PPL: variants seen among roughly 807,000 people sequenced by gnomAD.
PPL encodes the protein 190 kDa paraneoplastic pemphigus antigen.
In PPL, 198 loss-of-function variants were observed where a neutral mutation model predicts 194.4. The ratio of observed to expected loss-of-function variants is 1.02; its 90% confidence interval spans 0.91 to 1.15. The LOEUF is 1.15. Among genes scored for constraint, PPL ranks in the 50% most tolerant of loss-of-function variants. The pLI, the probability that PPL is intolerant of heterozygous loss-of-function variation, is 0.00. For synonymous variants in PPL, 1,220 were observed against 972.4 expected, an observed-to-expected ratio of 1.25 and a Z score of -4.74; for missense variants, 2,885 against 2,294.8, an observed-to-expected ratio of 1.26 and a Z score of -5.25.
chr16:4,888,734 C>A, intron 19 of PPL: 2 of 452,360 alleles, frequency 4.4e-6, no homozygotes, highest in Non-Finnish European at 3.9e-6. Flanking sequence ...GTACTTTTTC[C>A]TTAAGGATAA....
Position 4,895,623 on chromosome 16 carries a change from G to A in PPL, c.1066C>T (p.Gln356Ter). The change falls in exon 10 of 22, where the codon CAG (glutamine) becomes TAG (stop). Residue 356 changes from glutamine (Q) to a stop codon, truncating the protein, a stop_gained. Transcript: ENST00000345988. LOFTEE classifies it high-confidence loss of function. ...AGCTCCCGCAGCAGCAGCTCAATCT[G>A]GTACCGGTCCTTGAAGTCAGGGCCA... The part of the protein sequence containing the change: ...KYGPDFKDRY[Q>*]IELLLRELDD... The A allele has an allele frequency of 6.2e-7, 1 of 1,614,006 alleles. No homozygotes were observed. The highest frequency in any genetic ancestry group is 8.5e-7 in the Non-Finnish European group (1 of 1,180,014).
At chr16:4,891,733 T>C in intron 16 of PPL, 78 bp downstream of exon 16, 1 of 1,514,760 alleles carries the variant, frequency 6.6e-7, no homozygotes, top group Non-Finnish European at 8.8e-7. Context: ...TCCTCATCTA[T>C]CCAGACGGGC....
intron 19 of PPL, chr16:4,888,747 T>A: frequency 2.1e-6 from 1 of 485,364 alleles, no homozygotes; most frequent in African/African-American, 1.9e-5. Flanking sequence ...AAGGATAAAT[T>A]CCCCCAAAGT....
In PPL at chr16:4,883,895, T is replaced by C; in HGVS notation, c.4760A>G (p.Asn1587Ser). 6 of 1,614,046 alleles carry C rather than the reference T, an allele frequency of 3.7e-6. No individual in the cohort carries two copies. The highest frequency in any genetic ancestry group is 1.6e-4 in the Middle Eastern group (1 of 6,062). Residue 1587 changes from asparagine (N) to serine (S), a missense_variant, in exon 22 of 22, where the codon AAC (asparagine) becomes AGC (serine). Physicochemically the swap from Asn to Ser is conservative, Grantham distance 46 (BLOSUM62 1). Coordinates refer to ENST00000345988, the MANE Select transcript of PPL (RefSeq NM_002705.5). This position sits in a 1 kb window ranked among gnomAD's most constrained non-coding sequence, Gnocchi z 4.8. ...GTCTCGTGTTTCCGTCGCTGCCATG[T>C]TGATTTCCGATTGGAGCCTTCGGGT... ...LETRRLQSEI[N>S]MAATETRDLR...
At chr16:4,891,070 A>G in intron 16 of PPL, 149 bp from the exon 17 acceptor site, 1 of 613,856 alleles carries the variant, frequency 1.6e-6, no homozygotes, top group Non-Finnish European at 2.7e-6. Flanking sequence ...TGTACATCCC[A>G]AACCTGGGTC....
rs367617752 is a variant in PPL at position 4,883,756 on chromosome 16, G to A, written c.4899C>T (p.Ile1633=). Residue 1633 remains isoleucine (I), a synonymous_variant, in exon 22 of 22, where the codon ATC becomes ATT. Transcript: ENST00000345988. The surrounding 1 kb of genome is among the most constrained non-coding windows in gnomAD (Gnocchi z 4.8). The part of the protein sequence containing the change: ...KRLSKDKDLE[I]DELQKRLGSV... ...AGCCCAGGCGCTTCTGCAGCTCGTCGATCTCGAGGTCTTTGTCCTTGGAGA... is the reference window on the plus strand; with the variant it reads ...AGCCCAGGCGCTTCTGCAGCTCGTCAATCTCGAGGTCTTTGTCCTTGGAGA... The A allele has an allele frequency of 1.2e-5, 19 of 1,614,008 alleles. No homozygotes were observed. Among genetic ancestry groups the A allele is most frequent in the Middle Eastern group, 3.3e-4 (2 of 6,062 alleles).
In PPL at chr16:4,888,140, C is replaced by T; in HGVS notation, c.2476G>A (p.Ala826Thr). ...NGRRSHVSKR[A>T]RLQSPATKVK... ...TTGGTGGCAGGAGATTGGAGCCTGG[C>T]TCTCTTGCTCACGTGGCTTCTCCTT... Residue 826 changes from alanine (A) to threonine (T), a missense_variant, in exon 20 of 22, where the codon GCC (alanine) becomes ACC (threonine). Transcript: ENST00000345988. 6.2e-7 allele frequency: 1 copy of T among 1,614,028 alleles called. No homozygotes were observed. The highest frequency in any genetic ancestry group is 8.5e-7 in the Non-Finnish European group (1 of 1,179,858).
intron 14 of PPL, 140 bp from the exon 15 acceptor site, chr16:4,892,353 C>T (rs1040199621): frequency 3.7e-5 from 36 of 965,230 alleles, no homozygotes; most frequent in Non-Finnish European, 4.8e-5. Flanking sequence ...GGGGCTCTGA[C>T]CCGGCATCTG....
rs775009250 is a variant in PPL at position 4,900,966 on chromosome 16, T to C, written c.562A>G (p.Lys188Glu). 7.4e-6 allele frequency: 12 copies of C among 1,614,010 alleles called. No homozygotes were observed. Among genetic ancestry groups the C allele is most frequent in the Non-Finnish European group, 4.2e-6 (5 of 1,180,018 alleles). ...CACCACACCAGCACACGCCCCACCTTGTCCCCGTCCTTGGCCAGGTGGGGC... is the reference window on the plus strand; with the variant it reads ...CACCACACCAGCACACGCCCCACCTCGTCCCCGTCCTTGGCCAGGTGGGGC... The part of the protein sequence containing the change: ...IGPHLAKDGD[K>E]EQNSELRAKY... The change falls in exon 5 of 22, where the codon AAG becomes GAG. Residue 188 changes from lysine (K) to glutamate (E), a missense_variant and splice_region_variant. Coordinates refer to ENST00000345988, the MANE Select transcript of PPL (RefSeq NM_002705.5).
intron 21 of PPL, among the ~76,000 whole-genome samples, chr16:4,886,807 C>T (rs926223642): frequency 7.9e-5 from 12 of 152,258 alleles, no homozygotes; most frequent in South Asian, 4.1e-4. Flanking sequence ...TTAGTAGAGA[C>T]GGAGTTTTAC....
rs201985878 is a variant in PPL at position 4,884,962 on chromosome 16, C to G, written c.3693G>C (p.Val1231=). The G allele has an allele frequency of 3.2e-5, 52 of 1,614,156 alleles. No homozygotes were observed. In the South Asian group the frequency reaches 4.2e-4, roughly 13 times the overall value. ...TCTTGTACTTAATGACTTCCTTAGT[C>G]ACCTCTTTGACTTCCACCTGGGGGC... The part of the protein sequence containing the change: ...RRGPQVEVKE[V]TKEVIKYKTD... Residue 1231 remains valine (V), a synonymous_variant, in exon 22 of 22, where the codon GTG becomes GTC. Coordinates refer to ENST00000345988, the MANE Select transcript of PPL (RefSeq NM_002705.5). The surrounding 1 kb of genome is among the most constrained non-coding windows in gnomAD (Gnocchi z 5.7).
chr16:4,901,918 C>T (rs753236006), intron 4 of PPL, among the ~76,000 whole-genome samples: 32 of 149,268 alleles, frequency 2.1e-4, no homozygotes, highest in Middle Eastern at 3.4e-3. Context: ...CTAGTCTGCG[C>T]GACAGAGTGA....
rs763916509 is a variant in PPL at position 4,891,826 on chromosome 16, C to T, written c.1953G>A (p.Lys651=). The T allele has an allele frequency of 1.4e-5, 23 of 1,612,172 alleles. No individual in the cohort carries two copies. The highest frequency in any genetic ancestry group is 1.8e-5 in the Non-Finnish European group (21 of 1,179,416). ...VPESSRVLDS[K]GQELAAMACE... is the part of the protein sequence containing the mutation. ...CTAGACTCACCGCCAGCTCCTGCCC[C>T]TTGCTGTCCAGGACACGGCTGCTCT... The change falls in exon 16 of 22, where the codon AAG becomes AAA. Residue 651 remains lysine (K), a synonymous_variant. Coordinates refer to ENST00000345988, the MANE Select transcript of PPL (RefSeq NM_002705.5).
intron 2 of PPL, among the ~76,000 whole-genome samples, chr16:4,906,438 G>C (rs11859382): frequency 0.031 from 4,681 of 152,124 alleles, 255 homozygotes; most frequent in African/African-American, 0.11. Context: ...TGTTAGCCAG[G>C]ATGGTCTCGA....
chr16:4,891,019 G>A (rs1467660412), intron 16 of PPL, 98 bp from the exon 17 acceptor site: 2 of 1,101,440 alleles, frequency 1.8e-6, no homozygotes, highest in Non-Finnish European at 2.5e-6. Flanking sequence ...ACTGTAGGAG[G>A]GTGGGCAAGG....
chr16:4,884,311 C>T lies in PPL; in HGVS notation c.4344G>A (p.Val1448=), dbSNP rs1794893317. ...REKVTHTQKV[V]LQQDPQQARE... ...GCGCCTGCTGCGGGTCCTGCTGCAG[C>T]ACCACCTTCTGCGTATGGGTTACCT... The change falls in exon 22 of 22, where the codon GTG becomes GTA. Residue 1448 remains valine (V), a synonymous_variant. Transcript: ENST00000345988. The surrounding 1 kb of genome is among the most constrained non-coding windows in gnomAD (Gnocchi z 5.7). The T allele has an allele frequency of 6.2e-7, 1 of 1,612,804 alleles. No homozygotes were observed. The highest frequency in any genetic ancestry group is 8.5e-7 in the Non-Finnish European group (1 of 1,179,688).
chr16:4,927,868 A>G (rs1368815778), intron 1 of PPL, among the ~76,000 whole-genome samples: 1 of 152,214 alleles, frequency 6.6e-6, no homozygotes, highest in African/African-American at 2.4e-5. Context: ...CAGAAGTTCA[A>G]GCTGCTTCAG....
At chr16:4,911,120 C>T (rs975815600) in intron 1 of PPL, among the ~76,000 whole-genome samples, 171 bp from the exon 2 acceptor site, 19 of 150,322 alleles carry the variant, frequency 1.3e-4, no homozygotes, top group Admixed American at 2.7e-4. Flanking sequence ...ACTAAAGCCA[C>T]AGAGACAAGG....
chr16:4,903,803 G>C, intron 3 of PPL, 83 bp downstream of exon 3: 1 of 1,527,752 alleles, frequency 6.5e-7, no homozygotes, highest in Non-Finnish European at 8.9e-7. Context: ...CCTGACTCGG[G>C]CTCCCAAATG....
Sources: gnomAD v4.1 joint callset for allele counts (sites outside exome capture counted in the v4.1 genomes callset) on GRCh38, gnomAD v4.1.1 for gene constraint, Gnocchi (gnomAD v3.1) non-coding constraint, MANE v1.5 for transcripts, NCBI Gene and HGNC (gene_info 2026-07-23, HGNC 2026-07-21) for gene names.